SEC23A: variants seen among roughly 807,000 people sequenced by gnomAD.
SEC23A encodes the protein SEC23 homolog A, COPII component, also known as protein transport protein Sec23A.
Under a neutral mutation model 103.7 loss-of-function variants are expected in SEC23A, and 56 were observed. The observed-to-expected ratio is 0.54, with a 90% CI of 0.44 to 0.67. The LOEUF is 0.67. Ranked by LOEUF, SEC23A falls within the 30% of genes least tolerant of loss-of-function variation. The pLI is 0.00. For missense variants in SEC23A, 784 were observed against 936.4 expected (o/e 0.84, Z 2.12); for synonymous variants, 281 against 293.0 (o/e 0.96, Z 0.42).
chr14:39,093,869 T>C (rs748419705), intron 2 of SEC23A, among the ~76,000 whole-genome samples: 15 of 152,136 alleles, frequency 9.9e-5, no homozygotes, highest in Non-Finnish European at 1.6e-4. Flanking sequence ...CTAGAAAACA[T>C]TTATTCAGGT....
intron 10 of SEC23A, among the ~76,000 whole-genome samples, chr14:39,065,724 C>T (rs183024505): frequency 3.3e-5 from 5 of 152,168 alleles, no homozygotes; most frequent in African/African-American, 9.6e-5. Context: ...TGTGGCCAGG[C>T]GCGGTAGCTC....
Position 39,059,304 on chromosome 14 carries a change from A to C in SEC23A, c.1505+2461T>G, listed in dbSNP as rs1474490189. On this transcript the variant is annotated intron_variant, in intron 13 of 19. Transcript: ENST00000307712. Reference sequence around the variant, plus strand: ...AAAAAAAAAAAAAAAAAAAAAAAAAAAAAAAACAACAAGGTGCTCTGATCA... The same window carrying C: ...AAAAAAAAAAAAAAAAAAAAAAAAACAAAAAACAACAAGGTGCTCTGATCA... Among the ~76,000 whole-genome samples, 4 of 109,134 alleles carry C rather than the reference A, an allele frequency of 3.7e-5. No individual in the cohort carries two copies. The East Asian group carries it at 7.0e-4, about 19-fold the overall frequency. The allele number at this position is 109,134 out of a possible 152,430, so 71.6% of individuals were successfully genotyped here. A position where few individuals can be genotyped will look rare whatever the true frequency, so the allele number is the denominator to read the frequency against.
At chr14:39,088,894 C>T (rs188347318) in intron 5 of SEC23A, among the ~76,000 whole-genome samples, 8 of 150,668 alleles carry the variant, frequency 5.3e-5, no homozygotes, top group Admixed American at 4.0e-4. Flanking sequence ...ATTGGCCAGG[C>T]GCGGTGGCTC....
At chr14:39,101,134 G>C (rs1370000809) in intron 1 of SEC23A, among the ~76,000 whole-genome samples, 1 of 152,002 alleles carries the variant, frequency 6.6e-6, no homozygotes, top group Non-Finnish European at 1.5e-5. Flanking sequence ...GTAAACTGCC[G>C]CACCCAGCCA....
intron 16 of SEC23A, among the ~76,000 whole-genome samples, chr14:39,043,171 G>C (rs1885709212): frequency 6.6e-6 from 1 of 151,904 alleles, no homozygotes; most frequent in African/African-American, 2.4e-5. Flanking sequence ...TTGTAGAGAT[G>C]GGGTCTCACT....
At position 39,074,477 on chromosome 14, in the gene SEC23A, G is replaced by T. The variant is rs1886944943; in HGVS notation, c.1041C>A (p.Ile347=). 2 of 1,613,618 alleles carry T rather than the reference G, an allele frequency of 1.2e-6. No homozygotes were observed. The highest frequency in any genetic ancestry group is 1.7e-6 in the Non-Finnish European group (2 of 1,179,818). The change falls in exon 9 of 20, where the codon ATC becomes ATA. Residue 347 remains isoleucine, a synonymous_variant. Transcript: ENST00000307712. Reference sequence around the variant, plus strand: ...CTGTCTGATCTAATGCACACGCATAGATATCAATAACATGGCCAGTTGTAG... The same window carrying T: ...CTGTCTGATCTAATGCACACGCATATATATCAATAACATGGCCAGTTGTAG... ...RAATTGHVID[I]YACALDQTGL...
intron 7 of SEC23A, among the ~76,000 whole-genome samples, chr14:39,076,431 A>AT (rs766282291): frequency 0.017 from 2,324 of 134,554 alleles, 52 homozygotes; most frequent in African/African-American, 0.045. Context: ...TGGGTTTTTA[A>AT]TTTTTTTTTT....
intron 13 of SEC23A, among the ~76,000 whole-genome samples, chr14:39,060,394 A>T (rs116026717): frequency 0.011 from 1,727 of 152,306 alleles, 42 homozygotes; most frequent in African/African-American, 0.04. Context: ...ATCACTCAAC[A>T]AAAGTCTTAA....
In SEC23A at chr14:39,096,089, T is replaced by C; in HGVS notation, c.30A>G (p.Gln10=). ...ATCGGACTCCATCTCGTTCTTCATTTTGTTGAATGAATTCCAAATAGGTTG... is the reference window on the plus strand; with the variant it reads ...ATCGGACTCCATCTCGTTCTTCATTCTGTTGAATGAATTCCAAATAGGTTG... MTTYLEFIQ[Q]NEERDGVRFS... Residue 10 remains glutamine (Q), a synonymous_variant, in exon 2 of 20, where the codon CAA becomes CAG. Coordinates refer to ENST00000307712, the MANE Select transcript of SEC23A (RefSeq NM_006364.4). 6.2e-7 allele frequency: 1 copy of C among 1,613,652 alleles called. No homozygotes were observed. Among genetic ancestry groups the C allele is most frequent in the Non-Finnish European group, 8.5e-7 (1 of 1,179,540 alleles).
intron 7 of SEC23A, among the ~76,000 whole-genome samples, chr14:39,081,798 A>C (rs909891316): frequency 2.0e-5 from 3 of 152,052 alleles, no homozygotes; most frequent in African/African-American, 7.3e-5. Context: ...TGCATATTGG[A>C]GTATGCAGAC....
chr14:39,064,148 ATTG>A (rs1323870948), intron 11 of SEC23A, among the ~76,000 whole-genome samples: 2 of 152,108 alleles, frequency 1.3e-5, no homozygotes, highest in African/African-American at 4.8e-5. Context: ...CTGGATGAGA[ATTG>A]TTAAGCACTC....
At chr14:39,036,419 T>C (rs958232680) in intron 19 of SEC23A, among the ~76,000 whole-genome samples, 7 of 152,198 alleles carry the variant, frequency 4.6e-5, no homozygotes, top group African/African-American at 1.4e-4. Flanking sequence ...AAAAGCGTTT[T>C]ATTAATCTTC....
intron 7 of SEC23A, among the ~76,000 whole-genome samples, chr14:39,078,264 A>C (rs1378523575): frequency 1.3e-5 from 2 of 152,116 alleles, no homozygotes; most frequent in Non-Finnish European, 2.9e-5. Flanking sequence ...TCAAAAAAAA[A>C]CAAAAAGTAC....
At chr14:39,083,452 T>C (rs1887302036) in intron 7 of SEC23A, among the ~76,000 whole-genome samples, 1 of 152,066 alleles carries the variant, frequency 6.6e-6, no homozygotes, top group African/African-American at 2.4e-5. Flanking sequence ...TGTTGATTGA[T>C]GTCTCATGTC....
Position 39,096,154 on chromosome 14 carries a change from T to C in SEC23A, c.-21-15A>G. 4 of 1,456,534 alleles carry C rather than the reference T, an allele frequency of 2.7e-6. No individual in the cohort carries two copies. Among genetic ancestry groups the C allele is most frequent in the Non-Finnish European group, 3.9e-6 (4 of 1,037,086 alleles). The allele number at this position is 1,456,534 out of a possible 1,614,324, so 90.2% of individuals were successfully genotyped here. On this transcript the variant is annotated splice_polypyrimidine_tract_variant and intron_variant, in intron 1 of 19. Coordinates refer to ENST00000307712, the MANE Select transcript of SEC23A (RefSeq NM_006364.4). The stretch of plus-strand genomic sequence containing the variant: ...GATTCTTATTTCTGTATCAAAATTT[T>C]AAAATATTTTAAAATCCAGGATCCT...
rs1187612134 is a variant in SEC23A at position 39,092,606 on chromosome 14, T to C, written c.301A>G (p.Ile101Val). 5 of 1,610,184 alleles carry C rather than the reference T, an allele frequency of 3.1e-6. No individual in the cohort carries two copies. The highest frequency in any genetic ancestry group is 2.2e-5 in the East Asian group (1 of 44,732). The change falls in exon 4 of 20, where the codon ATA becomes GTA. Residue 101 changes from isoleucine to valine, a missense_variant. Physicochemically the swap from Ile to Val is conservative, Grantham distance 29. Coordinates refer to ENST00000307712, the MANE Select transcript of SEC23A (RefSeq NM_006364.4). ...RNQFPPSYAG[I>V]SELNQPAELL... ...TCAGCAGGCTGATTCAGTTCAGATA[T>C]ACCAGCATAACTAGGTGGAAACTAC...
intron 3 of SEC23A, 191 bp from the exon 4 acceptor site, chr14:39,092,818 T>A (rs577603812): frequency 3.4e-4 from 193 of 562,918 alleles, no homozygotes; most frequent in African/African-American, 3.4e-3. Flanking sequence ...CATTAACATC[T>A]GCAATGGATG....
chr14:39,079,752 G>T (rs1887157940), intron 7 of SEC23A, among the ~76,000 whole-genome samples: 1 of 152,054 alleles, frequency 6.6e-6, no homozygotes, highest in Admixed American at 6.6e-5. Flanking sequence ...AACCCAGGAG[G>T]TGGAGGTTGC....
intron 19 of SEC23A, among the ~76,000 whole-genome samples, chr14:39,036,103 G>A (rs949523551): frequency 3.3e-5 from 5 of 151,866 alleles, no homozygotes; most frequent in Non-Finnish European, 7.4e-5. Flanking sequence ...GGCAGATCAC[G>A]AGATCAGAAG....
Sources: gnomAD v4.1 joint callset for allele counts (sites outside exome capture counted in the v4.1 genomes callset) on GRCh38, gnomAD v4.1.1 for gene constraint, MANE v1.5 for transcripts, NCBI Gene and HGNC (gene_info 2026-07-23, HGNC 2026-07-21) for gene names.